The following SHB variants were observed in gnomAD, a reference collection of about 807,000 sequenced individuals.
The protein encoded by SHB is SH2 domain-containing adapter protein B.
Under a neutral mutation model 52.3 loss-of-function variants are expected in SHB, and 20 were observed. The observed-to-expected ratio is 0.38, with a 90% CI of 0.27 to 0.56. SHB has a LOEUF of 0.56. Ranked by LOEUF, SHB falls within the 20% of genes least tolerant of loss-of-function variation. The probability of loss-of-function intolerance (pLI) is 0.71; values close to 1 mark genes in which losing one functional copy is unlikely to be tolerated. For synonymous variants in SHB, 397 were observed against 316.5 expected (o/e 1.25, Z -2.70); for missense variants, 825 against 723.3 (o/e 1.14, Z -1.61).
chr9:37,989,182 C>T (rs369235274), intron 2 of SHB, among the ~76,000 whole-genome samples: 2 of 152,126 alleles, frequency 1.3e-5, no homozygotes, highest in African/African-American at 2.4e-5. Context: ...ATGTCCAGAA[C>T]GTGGTCCTTA....
intron 2 of SHB, among the ~76,000 whole-genome samples, chr9:37,982,580 C>T (rs1319553519): frequency 6.6e-6 from 1 of 151,546 alleles, no homozygotes; most frequent in Non-Finnish European, 1.5e-5. Context: ...ATCATGAGTT[C>T]AGGAGATTGA....
intron 1 of SHB, among the ~76,000 whole-genome samples, chr9:38,065,003 T>C (rs1821942733): frequency 6.6e-6 from 1 of 152,130 alleles, no homozygotes; most frequent in Non-Finnish European, 1.5e-5. Flanking sequence ...TGGCCCCAGT[T>C]ACTCAGGAGG....
chr9:37,995,468 ACT>A (rs1254799504), intron 2 of SHB, among the ~76,000 whole-genome samples: 1 of 88,490 alleles, frequency 1.1e-5, no homozygotes, highest in East Asian at 2.6e-4. Flanking sequence ...AGCTCTGGCC[ACT>A]GTCAGTCAGT....
chr9:38,016,987 A>G (rs1821221981), intron 1 of SHB, among the ~76,000 whole-genome samples: 1 of 152,228 alleles, frequency 6.6e-6, no homozygotes, highest in Non-Finnish European at 1.5e-5. Flanking sequence ...GAACCTGAGT[A>G]TCTGGGATTC....
chr9:37,938,198 A>T (rs1832396062), intron 5 of SHB, among the ~76,000 whole-genome samples: 1 of 152,106 alleles, frequency 6.6e-6, no homozygotes, highest in Admixed American at 6.5e-5. Context: ...GCCATTGCAA[A>T]TCTGGGCCTC....
At chr9:37,982,563 C>T (rs1247167752) in intron 2 of SHB, among the ~76,000 whole-genome samples, 1 of 151,496 alleles carries the variant, frequency 6.6e-6, no homozygotes, top group Non-Finnish European at 1.5e-5. Context: ...GAGGCCGAGG[C>T]GGGCGGATCA....
intron 1 of SHB, among the ~76,000 whole-genome samples, chr9:38,064,272 C>T (rs1391720826): frequency 6.6e-6 from 1 of 152,108 alleles, no homozygotes; most frequent in Non-Finnish European, 1.5e-5. Flanking sequence ...GATGCCCCTC[C>T]ACCATGGCTC....
intron 5 of SHB, among the ~76,000 whole-genome samples, chr9:37,934,185 C>T (rs572269483): frequency 6.6e-6 from 1 of 152,326 alleles, no homozygotes; most frequent in East Asian, 1.9e-4. Flanking sequence ...GAGTCCCCCC[C>T]TCTCCCAGCC....
chr9:38,009,419 A>G (rs1161164169), intron 2 of SHB, among the ~76,000 whole-genome samples: 2 of 152,254 alleles, frequency 1.3e-5, no homozygotes, highest in Admixed American at 6.5e-5. Flanking sequence ...CTCCAGACCC[A>G]TGACCTCTAA....
At chr9:37,969,897 G>A (rs1438494661) in intron 3 of SHB, among the ~76,000 whole-genome samples, 3 of 152,226 alleles carry the variant, frequency 2.0e-5, no homozygotes, top group African/African-American at 4.8e-5. Context: ...TGGCGGGGGT[G>A]GGTTGGGGAC....
intron 2 of SHB, among the ~76,000 whole-genome samples, chr9:37,978,624 G>A (rs1016468655): frequency 6.6e-6 from 1 of 152,168 alleles, no homozygotes; most frequent in Non-Finnish European, 1.5e-5. Flanking sequence ...ATATGAGCAG[G>A]GCCCCACAGG....
chr9:37,979,142 A>T (rs1163879658), intron 2 of SHB, among the ~76,000 whole-genome samples: 2 of 152,208 alleles, frequency 1.3e-5, no homozygotes, highest in African/African-American at 4.8e-5. Flanking sequence ...CTCACAAGGG[A>T]GTCTGTGACC....
At chr9:38,048,054 G>A (rs1300233050) in intron 1 of SHB, among the ~76,000 whole-genome samples, 6 of 152,208 alleles carry the variant, frequency 3.9e-5, no homozygotes, top group Admixed American at 6.5e-5. Flanking sequence ...TCATTCAGAT[G>A]GCCCCAGCAA....
Position 37,948,897 on chromosome 9 carries a change from C to T in SHB, c.1227-143G>A, listed in dbSNP as rs551308338. 4.7e-5 allele frequency: 50 copies of T among 1,055,930 alleles called. No individual in the cohort carries two copies. The Admixed American group carries it at 6.8e-4, about 14-fold the overall frequency. 65.4% of individuals were successfully genotyped at this position (1,055,930 alleles called of 1,614,324 possible). On this transcript the variant is annotated intron_variant, in intron 4 of 5. Coordinates refer to ENST00000377707, the MANE Select transcript of SHB (RefSeq NM_003028.3). ...GTTCATTCCATGGGTACCCACTGCC[C>T]GCCTGCTGCTGCCGGGTCCTGGGGA...
At chr9:37,985,676 T>A (rs1156720422) in intron 2 of SHB, among the ~76,000 whole-genome samples, 2 of 152,232 alleles carry the variant, frequency 1.3e-5, no homozygotes, top group Non-Finnish European at 2.9e-5. Context: ...CATAGGCAAG[T>A]GGGGTGCCTG....
intron 1 of SHB, among the ~76,000 whole-genome samples, chr9:38,048,528 G>A (rs986590660): frequency 1.3e-5 from 2 of 152,108 alleles, no homozygotes; most frequent in African/African-American, 4.8e-5. Flanking sequence ...CAGCTACGTG[G>A]GAGGCTGAGT....
intron 5 of SHB, among the ~76,000 whole-genome samples, chr9:37,936,967 T>A (rs537870260): frequency 6.6e-6 from 1 of 152,348 alleles, no homozygotes; most frequent in African/African-American, 2.4e-5. Flanking sequence ...TGCTTCCCCA[T>A]AACTTCCCCA....
intron 1 of SHB, among the ~76,000 whole-genome samples, chr9:38,031,507 G>T (rs1821413033): frequency 6.6e-6 from 1 of 152,184 alleles, no homozygotes; most frequent in African/African-American, 2.4e-5. Context: ...TTCTAGGGAA[G>T]CATTACCCCA....
intron 1 of SHB, among the ~76,000 whole-genome samples, chr9:38,034,483 C>T (rs1211038855): frequency 1.3e-5 from 2 of 152,232 alleles, no homozygotes; most frequent in African/African-American, 4.8e-5. Flanking sequence ...TCACTACCTC[C>T]CCAAATACTC....
Sources: gnomAD v4.1 joint callset for allele counts (sites outside exome capture counted in the v4.1 genomes callset) on GRCh38, gnomAD v4.1.1 for gene constraint, MANE v1.5 for transcripts, NCBI Gene and HGNC (gene_info 2026-07-23, HGNC 2026-07-21) for gene names.